Variants in DHRS7B observed in about 807,000 individuals in gnomAD.
DHRS7B encodes dehydrogenase/reductase 7B.
A neutral mutation model predicts 26.4 loss-of-function variants in DHRS7B; 24 were observed. The observed-to-expected ratio is 0.91, with a 90% CI of 0.66 to 1.28. The LOEUF is 1.28. Among genes scored for constraint, DHRS7B ranks in the 50% most tolerant of loss-of-function variants. The pLI, the probability that DHRS7B is intolerant of heterozygous loss-of-function variation, is 0.00. For missense variants in DHRS7B, 368 were observed against 419.4 expected (o/e 0.88, Z 1.07); for synonymous variants, 142 against 166.4 (o/e 0.85, Z 1.13).
intron 1 of DHRS7B, among the ~76,000 whole-genome samples, chr17:21,144,937 C>T (rs1346656629): frequency 6.6e-6 from 1 of 152,082 alleles, no homozygotes; most frequent in African/African-American, 2.4e-5. Flanking sequence ...TTTGTATATA[C>T]TTACCTTTTA....
chr17:21,141,619 CAAAAAAA>C (rs71357469), intron 1 of DHRS7B, among the ~76,000 whole-genome samples: 2 of 14,382 alleles, frequency 1.4e-4, no homozygotes, highest in Non-Finnish European at 2.6e-4. Flanking sequence ...AGCAAGAAAG[CAAAAAAA>C]AAAAAAAAAA....
At chr17:21,179,532 G>A (rs538978438) in intron 3 of DHRS7B, among the ~76,000 whole-genome samples, 448 of 152,166 alleles carry the variant, frequency 2.9e-3, no homozygotes, top group African/African-American at 0.01. Flanking sequence ...CCCAGGAGGT[G>A]GAGGTTACAG....
intron 1 of DHRS7B, among the ~76,000 whole-genome samples, chr17:21,146,302 G>A (rs1973642295): frequency 6.6e-6 from 1 of 152,204 alleles, no homozygotes; most frequent in Non-Finnish European, 1.5e-5. Context: ...TTGGGAGGTT[G>A]TGGTGAGAGG....
intron 6 of DHRS7B, 78 bp from the exon 7 acceptor site, chr17:21,190,870 C>T (rs750613215): frequency 1.6e-5 from 24 of 1,478,504 alleles, no homozygotes; most frequent in African/African-American, 9.8e-5. Context: ...GCTGACCTGA[C>T]GACTCACATC....
intron 1 of DHRS7B, among the ~76,000 whole-genome samples, chr17:21,154,819 AG>A (rs1222413185): frequency 2.0e-5 from 3 of 152,210 alleles, no homozygotes; most frequent in Admixed American, 2.0e-4. Flanking sequence ...CAACAGTGTA[AG>A]GGAAGAGAGG....
At chr17:21,136,039 C>T (rs1218371253) in intron 1 of DHRS7B, among the ~76,000 whole-genome samples, 2 of 152,118 alleles carry the variant, frequency 1.3e-5, no homozygotes, top group African/African-American at 4.8e-5. Context: ...TGACTCATGC[C>T]TATAATCCCA....
intron 6 of DHRS7B, 68 bp downstream of exon 6, chr17:21,188,931 T>TA: frequency 6.3e-7 from 1 of 1,578,880 alleles, no homozygotes; most frequent in Non-Finnish European, 8.7e-7. Context: ...ATGCTGCTCT[T>TA]ACTTCAGTGA....
rs1031023349 is a variant in DHRS7B, at chr17:21,180,365, G to A, written c.309+2023G>A. On this transcript the variant is annotated intron_variant, in intron 3 of 6. Coordinates refer to ENST00000395511, the MANE Select transcript of DHRS7B (RefSeq NM_015510.5). ...TGGGATTACAGGTGTTAGCCACCAC[G>A]CCTGGCCAAGTTTTATAATTTTAAA... 5.3e-5 allele frequency among the ~76,000 whole-genome samples: 8 copies of A among 152,170 alleles called. 1 individual carries two copies. Among genetic ancestry groups the A allele is most frequent in the Middle Eastern group, 6.8e-3 (2 of 294 alleles).
chr17:21,174,301 C>G (rs140080794), intron 2 of DHRS7B, among the ~76,000 whole-genome samples: 1 of 152,358 alleles, frequency 6.6e-6, no homozygotes, highest in East Asian at 1.9e-4. Context: ...GTTTTGTGTA[C>G]TTAAGCCTCT....
At chr17:21,174,675 C>G (rs1164697044) in intron 2 of DHRS7B, among the ~76,000 whole-genome samples, 1 of 152,212 alleles carries the variant, frequency 6.6e-6, no homozygotes, top group East Asian at 1.9e-4. Flanking sequence ...TGTTTAGACT[C>G]CAGCGGGACT....
rs199649455 is a variant in DHRS7B at position 21,178,283 on chromosome 17, C to T, written c.250C>T (p.Arg84Trp). ...GGGTGCTAAACTGGTGCTCTGTGGC[C>T]GGAATGGTGGGGCCCTAGAAGAGCT... The part of the protein sequence containing the change: ...AAGAKLVLCG[R>W]NGGALEELIR... Residue 84 changes from arginine to tryptophan, a missense_variant, in exon 3 of 7, where the codon CGG (arginine) becomes TGG (tryptophan). Coordinates refer to ENST00000395511, the MANE Select transcript of DHRS7B (RefSeq NM_015510.5). 43 of 1,614,202 alleles carry T rather than the reference C, an allele frequency of 2.7e-5. No individual in the cohort carries two copies. The highest frequency in any genetic ancestry group is 5.5e-5 in the South Asian group (5 of 91,086).
intron 3 of DHRS7B, among the ~76,000 whole-genome samples, chr17:21,178,622 G>T (rs929372432): frequency 6.6e-6 from 1 of 151,878 alleles, no homozygotes; most frequent in Non-Finnish European, 1.5e-5. Flanking sequence ...CTACTTACTG[G>T]GTGGGAGTGG....
intron 1 of DHRS7B, chr17:21,128,209 G>C (rs528110493): frequency 6.6e-6 from 1 of 152,422 alleles, no homozygotes; most frequent in South Asian, 2.1e-4. Flanking sequence ...TTGAACCTGG[G>C]AGACAGGCTG....
chr17:21,179,711 T>G (rs1253904178), intron 3 of DHRS7B, among the ~76,000 whole-genome samples: 1 of 152,176 alleles, frequency 6.6e-6, no homozygotes, highest in Admixed American at 6.5e-5. Context: ...TAATCCCTTA[T>G]AAGATATGTG....
At chr17:21,174,096 G>A (rs1040104503) in intron 2 of DHRS7B, among the ~76,000 whole-genome samples, 1 of 152,180 alleles carries the variant, frequency 6.6e-6, no homozygotes, top group African/African-American at 2.4e-5. Context: ...AGATAAAGTA[G>A]GGCAGGTTCT....
At chr17:21,181,996 C>T (rs1010149830) in intron 3 of DHRS7B, among the ~76,000 whole-genome samples, 16 of 152,190 alleles carry the variant, frequency 1.1e-4, no homozygotes, top group South Asian at 2.1e-4. Context: ...TGAAAGCAGG[C>T]GTCCTTGTCT....
intron 1 of DHRS7B, among the ~76,000 whole-genome samples, chr17:21,147,905 A>G (rs561537364): frequency 1.3e-5 from 2 of 152,212 alleles, no homozygotes; most frequent in East Asian, 1.9e-4. Flanking sequence ...TCCCTTGGGC[A>G]CAGTGTGGGA....
intron 1 of DHRS7B, chr17:21,166,263 T>C (rs1035715084): frequency 4.3e-5 from 42 of 985,368 alleles, no homozygotes; most frequent in Non-Finnish European, 5.1e-5. Context: ...CTTCAGGTTT[T>C]ATTTTTACTA....
intron 6 of DHRS7B, 106 bp from the exon 7 acceptor site, chr17:21,190,842 T>C: frequency 2.6e-6 from 3 of 1,132,098 alleles, no homozygotes; most frequent in East Asian, 2.4e-5. Flanking sequence ...AAGAGCTTCA[T>C]GGTGGGAAAG....
Sources: allele counts gnomAD v4.1 joint callset (sites outside exome capture counted in the v4.1 genomes callset), GRCh38; gene constraint gnomAD v4.1.1; transcripts MANE v1.5; gene names NCBI Gene and HGNC (gene_info 2026-07-23, HGNC 2026-07-21).